The following AGAP1 variants were observed in gnomAD, a reference collection of about 807,000 sequenced individuals.
AGAP1 encodes the protein ArfGAP with GTPase domain, ankyrin repeat and PH domain 1.
AGAP1 carries 29 observed loss-of-function variants against 105.3 expected under a neutral mutation model. The observed-to-expected ratio is 0.28, with a 90% CI of 0.21 to 0.38. The LOEUF is 0.38. Ranked by LOEUF, AGAP1 falls within the 10% of genes least tolerant of loss-of-function variation. The pLI, the probability that AGAP1 is intolerant of heterozygous loss-of-function variation, is 1.00. For synonymous variants in AGAP1, 509 were observed against 485.9 expected (o/e 1.05, Z -0.63); for missense variants, 998 against 1,165.1 (o/e 0.86, Z 2.09).
chr2:235,710,801 C>T (rs1057038661), intron 2 of AGAP1, among the ~76,000 whole-genome samples: 3 of 152,062 alleles, frequency 2.0e-5, no homozygotes, highest in Admixed American at 6.6e-5. Context: ...TTAAGACAGC[C>T]GCTGCCACTC....
chr2:235,825,852 TAAAA>T (rs1178508460), intron 9 of AGAP1, among the ~76,000 whole-genome samples: 2 of 152,172 alleles, frequency 1.3e-5, no homozygotes, highest in Non-Finnish European at 2.9e-5. Flanking sequence ...AAAAATAACT[TAAAA>T]GAGTGTCATT....
chr2:235,947,673 G>A (rs1227624750), intron 12 of AGAP1, among the ~76,000 whole-genome samples: 1 of 152,192 alleles, frequency 6.6e-6, no homozygotes, highest in African/African-American at 2.4e-5. Context: ...GGGAGGGACT[G>A]TCTTGTTTGC....
intron 1 of AGAP1, among the ~76,000 whole-genome samples, chr2:235,653,330 G>A (rs1455598352): frequency 1.3e-5 from 2 of 151,986 alleles, no homozygotes; most frequent in African/African-American, 2.4e-5. Context: ...CTGGTGTGGT[G>A]GCGGGCACCT....
Position 236,076,483 on chromosome 2 carries a change from G to A in AGAP1, c.2114+27202G>A, listed in dbSNP as rs556233263. Among the ~76,000 whole-genome samples, 6 of 152,128 alleles carry A rather than the reference G, an allele frequency of 3.9e-5. No homozygotes were observed. The highest frequency in any genetic ancestry group is 1.2e-4 in the African/African-American group (5 of 41,522). On this transcript the variant is annotated intron_variant, in intron 16 of 17. Coordinates refer to ENST00000304032, the MANE Select transcript of AGAP1 (RefSeq NM_001037131.3). The surrounding 1 kb of genome is among the most constrained non-coding windows in gnomAD (Gnocchi z 4.4). ...GTCTTGAGAATGTTCACTTCCTGAC[G>A]GCTTTGCACATGGCCCATAACAAGC...
At chr2:235,604,432 C>T (rs1054378681) in intron 1 of AGAP1, among the ~76,000 whole-genome samples, 18 of 150,466 alleles carry the variant, frequency 1.2e-4, no homozygotes, top group Admixed American at 6.6e-4. Flanking sequence ...TAGAAAACCA[C>T]GATTGTGCCA....
chr2:235,855,601 G>C lies in AGAP1; in HGVS notation c.1051-27744G>C, dbSNP rs1234276727. ...TTCTTTCCTTTAGATTCGTTGCCCTGAACTTTTGATTTTGATATTATAAAT... is the reference window on the plus strand; with the variant it reads ...TTCTTTCCTTTAGATTCGTTGCCCTCAACTTTTGATTTTGATATTATAAAT... On this transcript the variant is annotated intron_variant, in intron 9 of 17. Coordinates refer to ENST00000304032, the MANE Select transcript of AGAP1 (RefSeq NM_001037131.3). The surrounding 1 kb of genome is among the most constrained non-coding windows in gnomAD (Gnocchi z 5.0). Among the ~76,000 whole-genome samples, 1 of 152,140 alleles carries C rather than the reference G, an allele frequency of 6.6e-6. No individual in the cohort carries two copies. Among genetic ancestry groups the C allele is most frequent in the Admixed American group, 6.5e-5 (1 of 15,268 alleles).
chr2:235,510,157 G>A (rs1000871247), intron 1 of AGAP1, among the ~76,000 whole-genome samples: 4 of 152,104 alleles, frequency 2.6e-5, no homozygotes, highest in African/African-American at 9.7e-5. Flanking sequence ...ATATTACAAT[G>A]CAGTAATGAT....
chr2:235,533,106 C>T (rs771402946), intron 1 of AGAP1, among the ~76,000 whole-genome samples: 3 of 152,094 alleles, frequency 2.0e-5, no homozygotes, highest in East Asian at 1.9e-4. Flanking sequence ...CAGTCATGAC[C>T]GCGTTGAGTT....
rs1951579707 is a variant in AGAP1 at position 235,725,061 on chromosome 2, T to G, written c.310+7417T>G. On this transcript the variant is annotated intron_variant, in intron 3 of 17. Transcript: ENST00000304032. This position sits in a 1 kb window ranked among gnomAD's most constrained non-coding sequence, Gnocchi z 5.7. ...CACTGAGGCTGAAGGGTTCTGGGAT[T>G]TTCCACTGTGTGTTTGGTTTCTGTT... Among the ~76,000 whole-genome samples, 1 of 152,186 alleles carries G rather than the reference T, an allele frequency of 6.6e-6. No individual in the cohort carries two copies. The highest frequency in any genetic ancestry group is 2.4e-5 in the African/African-American group (1 of 41,448).
Position 235,891,264 on chromosome 2 carries a change from G to A in AGAP1, c.1155+7815G>A, listed in dbSNP as rs186849720. 3.0e-4 allele frequency among the ~76,000 whole-genome samples: 46 copies of A among 152,208 alleles called. No individual in the cohort carries two copies. The highest frequency in any genetic ancestry group is 9.4e-4 in the African/African-American group (39 of 41,524). ...CTAAACATTTAAATAAGACTGACAC[G>A]GTCAAAGCAAGCACGCTGGCTGATG... On this transcript the variant is annotated intron_variant, in intron 10 of 17. Transcript: ENST00000304032. This position sits in a 1 kb window ranked among gnomAD's most constrained non-coding sequence, Gnocchi z 4.2.
Position 235,535,751 on chromosome 2 carries a change from C to G in AGAP1, c.163+40902C>G, listed in dbSNP as rs1943193455. On this transcript the variant is annotated intron_variant, in intron 1 of 17. Coordinates refer to ENST00000304032, the MANE Select transcript of AGAP1 (RefSeq NM_001037131.3). This position sits in a 1 kb window ranked among gnomAD's most constrained non-coding sequence, Gnocchi z 5.1. ...TTTCACAAAACTTGTATTTTCATGC[C>G]TAATAAGTGAGCGTGTGACATGCAG... 6.6e-6 allele frequency among the ~76,000 whole-genome samples: 1 copy of G among 151,972 alleles called. No individual in the cohort carries two copies. Among genetic ancestry groups the G allele is most frequent in the Non-Finnish European group, 1.5e-5 (1 of 68,018 alleles).
rs1559410863 is a variant in AGAP1 at position 235,733,805 on chromosome 2, G to A, written c.311-7158G>A. 1.3e-5 allele frequency among the ~76,000 whole-genome samples: 2 copies of A among 151,980 alleles called. No homozygotes were observed. Among genetic ancestry groups the A allele is most frequent in the African/African-American group, 2.4e-5 (1 of 41,348 alleles). ...GTCCTCACTCACTGCTGGTACCTTTGTGTAGTAGTTACTTTGTATTTTACA... is the reference window on the plus strand; with the variant it reads ...GTCCTCACTCACTGCTGGTACCTTTATGTAGTAGTTACTTTGTATTTTACA... On this transcript the variant is annotated intron_variant, in intron 3 of 17. Transcript: ENST00000304032. This position sits in a 1 kb window ranked among gnomAD's most constrained non-coding sequence, Gnocchi z 5.0.
chr2:236,124,447 C>A lies in AGAP1; in HGVS notation c.*325C>A. Reference sequence around the variant, plus strand: ...GTCCTGGTGGCACAAGGGATGGGGACGCGAGGGGGAGGGGAGGCGAGGAAC... The same window carrying A: ...GTCCTGGTGGCACAAGGGATGGGGAAGCGAGGGGGAGGGGAGGCGAGGAAC... On this transcript the variant is annotated 3_prime_UTR_variant, in exon 18 of 18. Coordinates refer to ENST00000304032, the MANE Select transcript of AGAP1 (RefSeq NM_001037131.3). The surrounding 1 kb of genome is among the most constrained non-coding windows in gnomAD (Gnocchi z 5.1). The A allele has an allele frequency of 2.9e-6, 1 of 345,058 alleles. No individual in the cohort carries two copies. Among genetic ancestry groups the A allele is most frequent in the Non-Finnish European group, 5.4e-6 (1 of 185,946 alleles). 21.4% of individuals were successfully genotyped at this position (345,058 alleles called of 1,614,324 possible). A position where few individuals can be genotyped will look rare whatever the true frequency, so the allele number is the denominator to read the frequency against.
At chr2:235,853,123 GA>G (rs994740563) in intron 9 of AGAP1, 4 of 1,204,818 alleles carry the variant, frequency 3.3e-6, no homozygotes, top group African/African-American at 1.6e-5. Context: ...TTTTTTTAAA[GA>G]AAAAAACATT....
Position 236,120,541 on chromosome 2 carries a change from T to C in AGAP1, c.2370+94T>C, listed in dbSNP as rs1020398079. On this transcript the variant is annotated intron_variant, in intron 17 of 17. Coordinates refer to ENST00000304032, the MANE Select transcript of AGAP1 (RefSeq NM_001037131.3). The surrounding 1 kb of genome is among the most constrained non-coding windows in gnomAD (Gnocchi z 6.0). ...TGGGCATCTTTCTGGCAGAAGGCTG[T>C]TGTTCTCGATCTGCAAGTGGAAACA... 8.3e-6 allele frequency: 13 copies of C among 1,560,988 alleles called. No individual in the cohort carries two copies. In the Admixed American group the frequency reaches 1.9e-4, roughly 23 times the overall value.
intron 9 of AGAP1, among the ~76,000 whole-genome samples, chr2:235,840,521 G>C (rs1259080835): frequency 6.6e-6 from 1 of 152,132 alleles, no homozygotes; most frequent in East Asian, 1.9e-4. Context: ...GGTCCGTGTT[G>C]TCCTAGCGGT....
rs1282558008 is a variant in AGAP1 at position 235,623,118 on chromosome 2, T to TA, written c.164-86061_164-86060insA. On this transcript the variant is annotated intron_variant, in intron 1 of 17. Coordinates refer to ENST00000304032, the MANE Select transcript of AGAP1 (RefSeq NM_001037131.3). The surrounding 1 kb of genome is among the most constrained non-coding windows in gnomAD (Gnocchi z 4.5). ...CATTTTCCAGTGGATTGCCTGATGTTCTCCAGGCTGCTACAGCTATGATAT... is the reference window on the plus strand; with the variant it reads ...CATTTTCCAGTGGATTGCCTGATGTTACTCCAGGCTGCTACAGCTATGATAT... 2.0e-5 allele frequency among the ~76,000 whole-genome samples: 3 copies of TA among 152,196 alleles called. No individual in the cohort carries two copies. Among genetic ancestry groups the TA allele is most frequent in the Non-Finnish European group, 4.4e-5 (3 of 68,028 alleles).
At chr2:235,749,880 T>G (rs1953288033) in intron 5 of AGAP1, among the ~76,000 whole-genome samples, 1 of 151,312 alleles carries the variant, frequency 6.6e-6, no homozygotes, top group Non-Finnish European at 1.5e-5. Flanking sequence ...CACTGGGGTA[T>G]CCCTGTGCAT....
At chr2:236,077,141 AAATAT>A (rs1183800701) in intron 16 of AGAP1, among the ~76,000 whole-genome samples, 176 of 123,850 alleles carry the variant, frequency 1.4e-3, no homozygotes, top group South Asian at 5.6e-3. Context: ...AAAAAAAAAA[AAATAT>A]ATATATATAT....
Sources: gnomAD v4.1 joint callset for allele counts (sites outside exome capture counted in the v4.1 genomes callset) on GRCh38, gnomAD v4.1.1 for gene constraint, Gnocchi (gnomAD v3.1) non-coding constraint, MANE v1.5 for transcripts, NCBI Gene and HGNC (gene_info 2026-07-23, HGNC 2026-07-21) for gene names.